Variants in MPND observed in about 807,000 individuals in gnomAD.
MPND encodes the protein MPN domain containing.
Under a neutral mutation model 59.2 loss-of-function variants are expected in MPND, and 56 were observed. The ratio of observed to expected loss-of-function variants is 0.95; its 90% confidence interval spans 0.76 to 1.18. The LOEUF (loss-of-function observed/expected upper bound fraction) is 1.18. MPND is among the 50% of genes most tolerant of loss of function. MPND has a pLI of 0.00. For synonymous variants in MPND, 323 were observed against 291.9 expected (o/e 1.11, Z -1.09); for missense variants, 671 against 676.0 (o/e 0.99, Z 0.08).
chr19:4,359,193 C>T lies in MPND; in HGVS notation c.1357C>T (p.Pro453Ser), dbSNP rs200972486. 1.9e-4 allele frequency: 311 copies of T among 1,613,332 alleles called. No homozygotes were observed. The East Asian group carries it at 5.9e-3, about 31-fold the overall frequency. ...GCTGGTGGAGTTCTACAAGGGTTCC[C>T]CTGACCTCGTGAGGCTCCAGGAACC... ...MLLVEFYKGS[P>S]DLVRLQEPWS... is the part of the protein sequence containing the mutation. The change falls in exon 12 of 13, where the codon CCT becomes TCT. Residue 453 changes from proline to serine, a missense_variant. Pro to Ser is a moderately conservative substitution (Grantham distance 74). Coordinates refer to ENST00000599840, the MANE Select transcript of MPND (RefSeq NM_001300862.2).
intron 3 of MPND, among the ~76,000 whole-genome samples, chr19:4,346,577 C>T (rs570976044): frequency 6.6e-6 from 1 of 152,046 alleles, no homozygotes; most frequent in East Asian, 1.9e-4. Flanking sequence ...CCACCACACC[C>T]GGCTAATTTT....
chr19:4,349,795 G>A (rs1347115304), intron 3 of MPND, among the ~76,000 whole-genome samples: 1 of 152,246 alleles, frequency 6.6e-6, no homozygotes, highest in Non-Finnish European at 1.5e-5. Flanking sequence ...GCAGGCGTGA[G>A]CCAGCCATGG....
rs201566644 is a variant in MPND, at chr19:4,357,371, G to A, written c.1115G>A (p.Arg372Gln). 49 of 1,613,006 alleles carry A rather than the reference G, an allele frequency of 3.0e-5. No individual in the cohort carries two copies. The Admixed American group carries it at 3.7e-4, about 12-fold the overall frequency. Residue 372 changes from arginine (R) to glutamine (Q), a missense_variant, in exon 9 of 13, where the codon CGG becomes CAG. Arg to Gln is a conservative substitution (Grantham distance 43, BLOSUM62 1). Coordinates refer to ENST00000599840, the MANE Select transcript of MPND (RefSeq NM_001300862.2). ...DIDAQMDYQL[R>Q]LQGSSNGFQP... ...GACGCACAGATGGACTACCAGCTGCGGCTGCAGGGCTCCAGCAATGGCTTC... is the reference window on the plus strand; with the variant it reads ...GACGCACAGATGGACTACCAGCTGCAGCTGCAGGGCTCCAGCAATGGCTTC...
chr19:4,354,543 G>A, intron 6 of MPND, 123 bp downstream of exon 6: 1 of 794,396 alleles, frequency 1.3e-6, no homozygotes, highest in Non-Finnish European at 2.1e-6. Flanking sequence ...TTTGCTACTG[G>A]TACACTGTGG....
In MPND at chr19:4,356,440, G is replaced by A. The variant is rs186894373; in HGVS notation, c.997-813G>A. ...CGCACCTGTAGTCCCATCTATTTGA[G>A]AGGCTGAGGCAGGAGGATGGATTGA... On this transcript the variant is annotated intron_variant, in intron 8 of 12. Transcript: ENST00000599840. 2.0e-5 allele frequency among the ~76,000 whole-genome samples: 3 copies of A among 152,262 alleles called. No homozygotes were observed. The East Asian group carries it at 5.8e-4, about 29-fold the overall frequency.
chr19:4,355,824 C>T (rs1463558482), intron 8 of MPND, among the ~76,000 whole-genome samples: 1 of 149,924 alleles, frequency 6.7e-6, no homozygotes, highest in Non-Finnish European at 1.5e-5. Flanking sequence ...TCCCAAAGTG[C>T]TGGGATTACA....
rs574056829 is a variant in MPND, at chr19:4,359,961, G to A, written c.1465G>A (p.Val489Ile). The change falls in exon 13 of 13, where the codon GTC becomes ATC. Residue 489 changes from valine (V) to isoleucine (I), a missense_variant. Transcript: ENST00000599840. ...RTPKDQSLCH[V>I]LEQVCGVLKQ... ...GCCCAAGGACCAGAGCCTGTGTCAC[G>A]TCCTGGAACAGGTGTGCGGCGTCCT... The A allele has an allele frequency of 3.8e-5, 60 of 1,575,430 alleles. No individual in the cohort carries two copies. In the East Asian group the frequency reaches 5.9e-4, roughly 16 times the overall value.
chr19:4,344,006 G>A lies in MPND; in HGVS notation c.294+12G>A. 1.5e-6 allele frequency: 2 copies of A among 1,313,364 alleles called. No individual in the cohort carries two copies. The highest frequency in any genetic ancestry group is 2.1e-5 in the South Asian group (1 of 47,214). 81.4% of individuals were successfully genotyped at this position (1,313,364 alleles called of 1,614,324 possible). A position where few individuals can be genotyped will look rare whatever the true frequency, so the allele number is the denominator to read the frequency against. ...CCATCTACTACCTGGTGAGCACCCC[G>A]CCTCCCTCGTCCCATCGCGGCTCGG... On this transcript the variant is annotated intron_variant, in intron 2 of 12. Coordinates refer to ENST00000599840, the MANE Select transcript of MPND (RefSeq NM_001300862.2).
intron 4 of MPND, 115 bp downstream of exon 4, chr19:4,353,144 GGA>G: frequency 3.5e-6 from 3 of 847,386 alleles, no homozygotes; most frequent in Non-Finnish European, 4.8e-6. Context: ...ATGGAGACAT[GGA>G]GAGTCAGCTG....
At chr19:4,349,665 C>T (rs893750008) in intron 3 of MPND, among the ~76,000 whole-genome samples, 3 of 152,072 alleles carry the variant, frequency 2.0e-5, no homozygotes, top group Non-Finnish European at 2.9e-5. Flanking sequence ...TGCCCACTAC[C>T]ATGCCCAGTT....
Position 4,355,028 on chromosome 19 carries a change from A to T in MPND, c.919+7A>T. The T allele has an allele frequency of 7.5e-7, 1 of 1,332,726 alleles. No homozygotes were observed. Among genetic ancestry groups the T allele is most frequent in the East Asian group, 3.2e-5 (1 of 30,958 alleles). 82.6% of individuals were successfully genotyped at this position (1,332,726 alleles called of 1,614,324 possible). A position where few individuals can be genotyped will look rare whatever the true frequency, so the allele number is the denominator to read the frequency against. On this transcript the variant is annotated splice_region_variant and intron_variant, in intron 7 of 12. Coordinates refer to ENST00000599840, the MANE Select transcript of MPND (RefSeq NM_001300862.2). ...TGGGACGTCAACAGCCAGAGTGGGT[A>T]TCCAGGGCCAGGTGGGCGGGGGCGT...
chr19:4,344,138 G>A (rs368553086), intron 2 of MPND, 144 bp downstream of exon 2: 6 of 545,990 alleles, frequency 1.1e-5, no homozygotes, highest in South Asian at 1.8e-4. Flanking sequence ...ACGAGCCCCG[G>A]TGTGGCGAGG....
intron 3 of MPND, chr19:4,347,885 G>A: frequency 4.8e-6 from 1 of 207,862 alleles, no homozygotes. Flanking sequence ...TCTCCATATT[G>A]TGTTTTTTTT....
intron 3 of MPND, among the ~76,000 whole-genome samples, chr19:4,346,544 A>C (rs1008462833): frequency 1.3e-5 from 2 of 151,798 alleles, no homozygotes; most frequent in African/African-American, 2.4e-5. Context: ...CAGCCTCCCT[A>C]GTAGCTGGAC....
chr19:4,352,157 A>T (rs1401052869), intron 3 of MPND, among the ~76,000 whole-genome samples: 2 of 152,026 alleles, frequency 1.3e-5, no homozygotes, highest in Non-Finnish European at 2.9e-5. Flanking sequence ...TGGGTGACAG[A>T]GTGAGACCGT....
In MPND at chr19:4,354,461, C is replaced by T. The variant is rs1269146947; in HGVS notation, c.846+41C>T. The T allele has an allele frequency of 3.3e-6, 5 of 1,517,210 alleles. No homozygotes were observed. The East Asian group carries it at 1.2e-4, about 37-fold the overall frequency. 94.0% of individuals were successfully genotyped at this position (1,517,210 alleles called of 1,614,324 possible). On this transcript the variant is annotated intron_variant, in intron 6 of 12. Coordinates refer to ENST00000599840, the MANE Select transcript of MPND (RefSeq NM_001300862.2). ...TGTCTAGGGGCAAGGGGCTCCGGAG[C>T]CCAGTCGGTGGGCAGCGGGCGGGGC...
rs772340453 is a variant in MPND at position 4,343,884 on chromosome 19, G to A, written c.184G>A (p.Gly62Ser). 39 of 1,237,812 alleles carry A rather than the reference G, an allele frequency of 3.2e-5. No homozygotes were observed. In the South Asian group the frequency reaches 3.3e-4, roughly 10 times the overall value. The allele number at this position is 1,237,812 out of a possible 1,614,324, so 76.7% of individuals were successfully genotyped here. The stretch of plus-strand genomic sequence containing the variant: ...CGGCGGCGGCGGGGCCGGGGCGGGG[G>A]GCTGCGGCGGGCCCGGGGGCGCGCT... ...GGGGGGAGAG[G>S]CGGPGGALTR... is the part of the protein sequence containing the mutation. Residue 62 changes from glycine (G) to serine (S), a missense_variant, in exon 2 of 13, where the codon GGC becomes AGC. Gly to Ser is a moderately conservative substitution (Grantham distance 56). Coordinates refer to ENST00000599840, the MANE Select transcript of MPND (RefSeq NM_001300862.2).
At chr19:4,358,204 C>G in intron 11 of MPND, 32 bp downstream of exon 11, 1 of 1,530,462 alleles carries the variant, frequency 6.5e-7, no homozygotes, top group Non-Finnish European at 8.9e-7. Context: ...CAGGCAGGGG[C>G]TGGCAGTGCG....
Position 4,343,726 on chromosome 19 carries a change from C to G in MPND, c.26C>G (p.Pro9Arg). The G allele has an allele frequency of 8.3e-7, 1 of 1,204,724 alleles. No homozygotes were observed. Among genetic ancestry groups the G allele is most frequent in the East Asian group, 3.5e-5 (1 of 28,792 alleles). The allele number at this position is 1,204,724 out of a possible 1,614,324, so 74.6% of individuals were successfully genotyped here. Residue 9 changes from proline to arginine, a missense_variant, in exon 2 of 13, where the codon CCG becomes CGG. Physicochemically the swap from Pro to Arg is moderately radical, Grantham distance 103. Coordinates refer to ENST00000599840, the MANE Select transcript of MPND (RefSeq NM_001300862.2). ...TCCGCAGCTCCGGAGCCGCTGTCCC[C>G]GGCGGGCGGTGCGGGCGAGGAGGCG... MAAPEPLS[P>R]AGGAGEEAPE... is the part of the protein sequence containing the mutation.
Sources: allele counts gnomAD v4.1 joint callset (sites outside exome capture counted in the v4.1 genomes callset), GRCh38; gene constraint gnomAD v4.1.1; transcripts MANE v1.5; gene names NCBI Gene and HGNC (gene_info 2026-07-23, HGNC 2026-07-21).